Variants in STK3 observed in about 807,000 individuals in gnomAD.
The protein encoded by STK3 is serine/threonine-protein kinase 3.
A neutral mutation model predicts 58.0 loss-of-function variants in STK3; 41 were observed. The observed-to-expected ratio is 0.71, with a 90% confidence interval of 0.55 to 0.92. The LOEUF (loss-of-function observed/expected upper bound fraction) is 0.92. Ranked by LOEUF, STK3 falls within the 40% of genes least tolerant of loss-of-function variation. The pLI, the probability that STK3 is intolerant of heterozygous loss-of-function variation, is 0.00. For missense variants in STK3, 479 were observed against 602.7 expected (o/e 0.79, Z 2.15); for synonymous variants, 170 against 191.0 (o/e 0.89, Z 0.91).
the STK3 span, among the ~76,000 whole-genome samples, chr8:98,360,307 G>T: frequency 6.6e-6 from 1 of 152,114 alleles, no homozygotes; most frequent in Non-Finnish European, 1.5e-5. Context: ...TGCACCATTT[G>T]CACACTGTGT....
At chr8:98,511,717 A>G (rs1266710734) in intron 10 of STK3, among the ~76,000 whole-genome samples, 1 of 152,150 alleles carries the variant, frequency 6.6e-6, no homozygotes, top group East Asian at 1.9e-4. Context: ...CAGAACACAG[A>G]ACCTGAAGAG....
chr8:98,695,023 A>C (rs1824753399), intron 6 of STK3, among the ~76,000 whole-genome samples: 1 of 152,068 alleles, frequency 6.6e-6, no homozygotes, highest in African/African-American at 2.4e-5. Flanking sequence ...TTGTTTCCTG[A>C]CTTTTTAATG....
intron 3 of STK3, among the ~76,000 whole-genome samples, chr8:98,855,438 G>T (rs1262935294): frequency 1.3e-5 from 2 of 152,166 alleles, no homozygotes; most frequent in African/African-American, 4.8e-5. Context: ...AATAAATGGT[G>T]CTGAGACACT....
intron 3 of STK3, among the ~76,000 whole-genome samples, chr8:98,408,380 A>G (rs551152957): frequency 6.6e-6 from 1 of 152,348 alleles, no homozygotes; most frequent in South Asian, 2.1e-4. Flanking sequence ...GCAATGGCTA[A>G]GATTCAGTGA....
chr8:98,408,185 G>A (rs1233319968), intron 3 of STK3, among the ~76,000 whole-genome samples: 4 of 152,224 alleles, frequency 2.6e-5, no homozygotes, highest in Non-Finnish European at 5.9e-5. Context: ...AAAGGGGGTA[G>A]TTTGGAGTTG....
chr8:98,469,331 A>G (rs1319483881), intron 10 of STK3, among the ~76,000 whole-genome samples: 1 of 152,126 alleles, frequency 6.6e-6, no homozygotes, highest in Non-Finnish European at 1.5e-5. Flanking sequence ...AATTTAATAG[A>G]GAACATGGCA....
At chr8:98,475,379 A>G (rs944610537) in intron 10 of STK3, among the ~76,000 whole-genome samples, 3 of 152,196 alleles carry the variant, frequency 2.0e-5, no homozygotes, top group African/African-American at 7.2e-5. Flanking sequence ...GGCAGTGACA[A>G]CAGAGATGGC....
intron 4 of STK3, among the ~76,000 whole-genome samples, chr8:98,725,370 T>G (rs1035164126): frequency 6.6e-6 from 1 of 152,176 alleles, no homozygotes; most frequent in Non-Finnish European, 1.5e-5. Context: ...CTTCCTCTTT[T>G]GTACCCTTTT....
At chr8:98,690,411 A>G (rs941334437) in intron 6 of STK3, among the ~76,000 whole-genome samples, 2 of 150,448 alleles carry the variant, frequency 1.3e-5, no homozygotes, top group Non-Finnish European at 3.0e-5. Flanking sequence ...TCAAGCTGAG[A>G]GCCAAGTCAA....
At chr8:98,793,997 A>G (rs891468563) in intron 1 of STK3, among the ~76,000 whole-genome samples, 1 of 152,210 alleles carries the variant, frequency 6.6e-6, no homozygotes, top group African/African-American at 2.4e-5. Context: ...CTTTGAAATA[A>G]ATGAAAACAG....
At chr8:98,850,756 C>T (rs763971378) in intron 3 of STK3, among the ~76,000 whole-genome samples, 6 of 152,088 alleles carry the variant, frequency 3.9e-5, no homozygotes, top group Non-Finnish European at 7.4e-5. Flanking sequence ...GCACAGGGGC[C>T]GGGTCATCAA....
intron 9 of STK3, among the ~76,000 whole-genome samples, chr8:98,537,713 C>A (rs1207193578): frequency 6.6e-6 from 1 of 152,124 alleles, no homozygotes; most frequent in East Asian, 1.9e-4. Flanking sequence ...TTCAGAATTA[C>A]CTAGTTCCTC....
chr8:98,874,949 C>T (rs747370130), intron 3 of STK3, among the ~76,000 whole-genome samples: 1 of 152,052 alleles, frequency 6.6e-6, no homozygotes, highest in African/African-American at 2.4e-5. Flanking sequence ...TAAATATATT[C>T]AGTAAATTAA....
intron 1 of STK3, among the ~76,000 whole-genome samples, chr8:98,903,572 A>G (rs1293867262): frequency 2.0e-5 from 2 of 99,078 alleles, no homozygotes; most frequent in Admixed American, 1.3e-4. Flanking sequence ...TTTTTTTTTA[A>G]GTGGGGCCTT....
Position 98,526,722 on chromosome 8 carries a change from A to G in STK3, c.1317+20T>C. On this transcript the variant is annotated intron_variant, in intron 10 of 10. Transcript: ENST00000419617. ...ATATAGAAGGAGAAAACATAAATTG[A>G]AGAATTAAAATGTACTTACAAAGTC... The G allele has an allele frequency of 6.6e-7, 1 of 1,512,450 alleles. No individual in the cohort carries two copies. Among genetic ancestry groups the G allele is most frequent in the Non-Finnish European group, 8.9e-7 (1 of 1,127,956 alleles). 93.7% of individuals were successfully genotyped at this position (1,512,450 alleles called of 1,614,324 possible).
At chr8:98,941,056 G>A (rs909889091) in intron 1 of STK3, among the ~76,000 whole-genome samples, 1 of 152,190 alleles carries the variant, frequency 6.6e-6, no homozygotes, top group Non-Finnish European at 1.5e-5. Flanking sequence ...CCCTCACGCA[G>A]CGGAGCCCAC....
intron 6 of STK3, among the ~76,000 whole-genome samples, chr8:98,614,628 G>A (rs541985459): frequency 3.3e-5 from 5 of 152,212 alleles, no homozygotes; most frequent in South Asian, 4.1e-4. Flanking sequence ...GAAGCAGGGC[G>A]AGGCATTGCC....
chr8:98,783,960 G>A (rs1186766890), intron 1 of STK3, among the ~76,000 whole-genome samples: 8 of 152,162 alleles, frequency 5.3e-5, no homozygotes, highest in Non-Finnish European at 7.3e-5. Context: ...CCCTATTATG[G>A]CATCCAATTG....
chr8:98,777,773 T>C (rs1025582272), intron 1 of STK3, among the ~76,000 whole-genome samples: 2 of 152,172 alleles, frequency 1.3e-5, no homozygotes, highest in South Asian at 2.1e-4. Flanking sequence ...ATCCAAGCAA[T>C]GGGGAAAGGA....
Sources: gnomAD v4.1 joint callset for allele counts (sites outside exome capture counted in the v4.1 genomes callset) on GRCh38, gnomAD v4.1.1 for gene constraint, MANE v1.5 for transcripts, NCBI Gene and HGNC (gene_info 2026-07-23, HGNC 2026-07-21) for gene names.